Variants in SYN3 observed in about 807,000 individuals in gnomAD.
SYN3 encodes synapsin-3.
SYN3 carries 35 observed loss-of-function variants against 65.8 expected under a neutral mutation model. That is an observed-to-expected ratio of 0.53 (90% CI 0.41 to 0.70). The LOEUF (loss-of-function observed/expected upper bound fraction) is 0.70, where lower values mean the gene tolerates loss of function less well. Ranked by LOEUF, SYN3 falls within the 30% of genes least tolerant of loss-of-function variation. The pLI is 0.00. For missense variants in SYN3, 680 were observed against 749.0 expected (o/e 0.91, Z 1.08); for synonymous variants, 270 against 292.9 (o/e 0.92, Z 0.80).
At chr22:32,928,402 C>A (rs1217873357) in intron 4 of SYN3, among the ~76,000 whole-genome samples, 1 of 152,152 alleles carries the variant, frequency 6.6e-6, no homozygotes, top group African/African-American at 2.4e-5. Context: ...GCCTAGCCTA[C>A]CTTAGACATT....
At chr22:32,856,646 A>T (rs2048376027) in intron 6 of SYN3, among the ~76,000 whole-genome samples, 1 of 152,224 alleles carries the variant, frequency 6.6e-6, no homozygotes, top group Non-Finnish European at 1.5e-5. Flanking sequence ...TTAAACATTT[A>T]TCGTTTCTTC....
chr22:32,657,677 T>C (rs1243198921), intron 6 of SYN3, among the ~76,000 whole-genome samples: 5 of 152,170 alleles, frequency 3.3e-5, no homozygotes, highest in Admixed American at 3.3e-4. Flanking sequence ...CTCCGGAGCC[T>C]TCCCTATGCT....
rs143348208 is a variant in SYN3, at chr22:32,710,598, A to G, written c.712-113862T>C. Among the ~76,000 whole-genome samples, 10 of 145,328 alleles carry G rather than the reference A, an allele frequency of 6.9e-5. No homozygotes were observed. The East Asian group carries it at 2.2e-3, about 32-fold the overall frequency. Reference sequence around the variant, plus strand: ...CAGTGAGTTGAGATTGTGCCACTGCACTCCAGCCTGGCTGACAGAGCGAGA... The same window carrying G: ...CAGTGAGTTGAGATTGTGCCACTGCGCTCCAGCCTGGCTGACAGAGCGAGA... On this transcript the variant is annotated intron_variant, in intron 6 of 13. Coordinates refer to ENST00000358763, the MANE Select transcript of SYN3 (RefSeq NM_003490.4).
chr22:32,901,987 C>A (rs958638161), intron 4 of SYN3, among the ~76,000 whole-genome samples: 1 of 152,198 alleles, frequency 6.6e-6, no homozygotes, highest in South Asian at 2.1e-4. Flanking sequence ...TTGGAAAGGG[C>A]CCATTCCAAG....
chr22:32,849,680 C>A, intron 6 of SYN3: 1 of 764,042 alleles, frequency 1.3e-6, no homozygotes, highest in Non-Finnish European at 2.3e-6. Context: ...GGAGAGGGAG[C>A]TGCTAAGGCT....
At chr22:32,874,761 C>T (rs938759035) in intron 4 of SYN3, among the ~76,000 whole-genome samples, 1 of 152,216 alleles carries the variant, frequency 6.6e-6, no homozygotes, top group African/African-American at 2.4e-5. Context: ...TCCAGCCAGG[C>T]CTGCGAAGGC....
chr22:32,792,146 G>C (rs929486986), intron 6 of SYN3, among the ~76,000 whole-genome samples: 6 of 152,174 alleles, frequency 3.9e-5, no homozygotes, highest in African/African-American at 1.4e-4. Flanking sequence ...AAAATCCTAC[G>C]AGGTATGCAT....
At chr22:32,637,207 C>G (rs945256708) in intron 6 of SYN3, among the ~76,000 whole-genome samples, 1 of 152,170 alleles carries the variant, frequency 6.6e-6, no homozygotes, top group Non-Finnish European at 1.5e-5. Flanking sequence ...ATGTCTGGAG[C>G]CAGACTGCTT....
chr22:32,524,346 T>C (rs115800530), intron 12 of SYN3, among the ~76,000 whole-genome samples: 1 of 152,186 alleles, frequency 6.6e-6, no homozygotes, highest in African/African-American at 2.4e-5. Context: ...CTGACTCTCT[T>C]GTTGGGGCTA....
At chr22:32,847,971 G>A (rs981411499) in intron 6 of SYN3, among the ~76,000 whole-genome samples, 4 of 152,188 alleles carry the variant, frequency 2.6e-5, no homozygotes, top group African/African-American at 9.7e-5. Context: ...TTTTGTTGCT[G>A]GTTCTTATTA....
At chr22:32,807,406 T>TATAATATATA (rs2046792977) in intron 6 of SYN3, among the ~76,000 whole-genome samples, 1 of 110,940 alleles carries the variant, frequency 9.0e-6, no homozygotes, top group Admixed American at 1.1e-4. Context: ...TATATATATA[T>TATAATATATA]TATATTTACA....
At chr22:32,522,770 A>G (rs1364856844) in intron 12 of SYN3, among the ~76,000 whole-genome samples, 1 of 152,120 alleles carries the variant, frequency 6.6e-6, no homozygotes, top group African/African-American at 2.4e-5. Context: ...ATGGACAAGC[A>G]CCCCATCCTT....
At chr22:32,859,117 T>G in intron 6 of SYN3, 1 of 1,576,236 alleles carries the variant, frequency 6.3e-7, no homozygotes, top group Non-Finnish European at 8.7e-7. Flanking sequence ...CCAGGCTCGG[T>G]AGCCTCAGGC....
intron 4 of SYN3, among the ~76,000 whole-genome samples, chr22:32,869,843 A>G (rs1020489366): frequency 2.6e-5 from 4 of 152,018 alleles, no homozygotes; most frequent in African/African-American, 7.3e-5. Context: ...AAAGATCTGG[A>G]CCATCTCCCC....
intron 6 of SYN3, among the ~76,000 whole-genome samples, chr22:32,638,873 T>A (rs947007184): frequency 6.6e-6 from 1 of 152,198 alleles, no homozygotes; most frequent in Non-Finnish European, 1.5e-5. Flanking sequence ...TAGGACTTAC[T>A]CATAAACTCT....
At chr22:32,824,377 G>A (rs981339220) in intron 6 of SYN3, among the ~76,000 whole-genome samples, 1 of 149,332 alleles carries the variant, frequency 6.7e-6, no homozygotes, top group Non-Finnish European at 1.5e-5. Flanking sequence ...TTGTTGTCAA[G>A]TACCCTCAGG....
At chr22:32,658,265 G>A (rs2060169642) in intron 6 of SYN3, among the ~76,000 whole-genome samples, 1 of 152,252 alleles carries the variant, frequency 6.6e-6, no homozygotes, top group Admixed American at 6.5e-5. Flanking sequence ...TGACGAGCAG[G>A]TGGGAGATCC....
intron 6 of SYN3, among the ~76,000 whole-genome samples, chr22:32,691,994 A>G (rs2060666969): frequency 1.3e-5 from 2 of 152,024 alleles, no homozygotes; most frequent in African/African-American, 4.8e-5. Context: ...CAGGCCAATC[A>G]GATCACCTCT....
At chr22:32,876,362 T>A (rs2048982048) in intron 4 of SYN3, among the ~76,000 whole-genome samples, 1 of 152,144 alleles carries the variant, frequency 6.6e-6, no homozygotes, top group African/African-American at 2.4e-5. Flanking sequence ...GGGACACACA[T>A]ATTCAGACCA....
Sources: gnomAD v4.1 joint callset for allele counts (sites outside exome capture counted in the v4.1 genomes callset) on GRCh38, gnomAD v4.1.1 for gene constraint, MANE v1.5 for transcripts, NCBI Gene and HGNC (gene_info 2026-07-23, HGNC 2026-07-21) for gene names.